The following ARMH3 variants were observed in gnomAD, a reference collection of about 807,000 sequenced individuals.
The protein encoded by ARMH3 is armadillo like helical domain containing 3.
Under a neutral mutation model 99.1 loss-of-function variants are expected in ARMH3, and 60 were observed. The ratio of observed to expected loss-of-function variants is 0.61; its 90% confidence interval spans 0.49 to 0.75. The LOEUF (loss-of-function observed/expected upper bound fraction) is 0.75, where lower values mean the gene tolerates loss of function less well. Among genes scored for constraint, ARMH3 ranks in the 30% least tolerant of loss-of-function variants. The pLI, the probability that ARMH3 is intolerant of heterozygous loss-of-function variation, is 0.00. For synonymous variants in ARMH3, 285 were observed against 292.8 expected (o/e 0.97, Z 0.27); for missense variants, 679 against 843.1 (o/e 0.81, Z 2.41).
At chr10:102,000,140 C>A (rs1181664482) in intron 15 of ARMH3, among the ~76,000 whole-genome samples, 1 of 151,976 alleles carries the variant, frequency 6.6e-6, no homozygotes. Context: ...CAACAACACA[C>A]AGAAAGAAAT....
In ARMH3 at chr10:102,011,710, A is replaced by C; in HGVS notation, c.831+13T>G. 1.3e-6 allele frequency: 2 copies of C among 1,595,598 alleles called. No individual in the cohort carries two copies. Among genetic ancestry groups the C allele is most frequent in the Non-Finnish European group, 1.7e-6 (2 of 1,172,126 alleles). ...CTGTTTTTTTCAGGAGAAAAAAAAA[A>C]AGCAGGACTTACCATATTTGTTAAA... On this transcript the variant is annotated intron_variant, in intron 11 of 25. Transcript: ENST00000370033.
chr10:101,897,197 G>A (rs897518995), intron 23 of ARMH3, among the ~76,000 whole-genome samples: 3 of 152,130 alleles, frequency 2.0e-5, no homozygotes, highest in African/African-American at 7.2e-5. Context: ...CCCACAGACA[G>A]AACTTAGTGG....
At chr10:101,929,611 A>G (rs1209867210) in intron 23 of ARMH3, among the ~76,000 whole-genome samples, 2 of 152,262 alleles carry the variant, frequency 1.3e-5, no homozygotes, top group Admixed American at 1.3e-4. Flanking sequence ...GAATTAATTT[A>G]GTATAAATCT....
chr10:101,874,175 T>A (rs1402045590), intron 24 of ARMH3, among the ~76,000 whole-genome samples: 1 of 152,204 alleles, frequency 6.6e-6, no homozygotes, highest in Admixed American at 6.5e-5. Context: ...CAAAGTGGTA[T>A]AAGAGAACAT....
At chr10:102,029,893 G>T (rs552942983) in intron 4 of ARMH3, 148 bp from the exon 5 acceptor site, 228 of 770,778 alleles carry the variant, frequency 3.0e-4, no homozygotes, top group South Asian at 1.9e-3. Context: ...AGTTTTTTTG[G>T]TTTTTTCCGT....
intron 22 of ARMH3, among the ~76,000 whole-genome samples, chr10:101,946,330 A>AT (rs1227570307): frequency 6.6e-6 from 1 of 152,176 alleles, no homozygotes; most frequent in Non-Finnish European, 1.5e-5. Context: ...AACTGAAGCC[A>AT]TAACAAAGAA....
chr10:101,941,114 G>A (rs1284330181), intron 22 of ARMH3, among the ~76,000 whole-genome samples: 2 of 152,198 alleles, frequency 1.3e-5, no homozygotes, highest in Non-Finnish European at 2.9e-5. Context: ...CACACAAGTT[G>A]TAAGTAATGG....
intron 23 of ARMH3, among the ~76,000 whole-genome samples, chr10:101,933,563 C>T (rs1843817752): frequency 6.6e-6 from 1 of 152,204 alleles, no homozygotes. Flanking sequence ...GATTAGGGTA[C>T]AGCAACCATT....
intron 5 of ARMH3, among the ~76,000 whole-genome samples, chr10:102,029,157 G>A (rs1437079280): frequency 6.6e-6 from 1 of 152,230 alleles, no homozygotes; most frequent in African/African-American, 2.4e-5. Flanking sequence ...TTACAGGCAT[G>A]AGCCATGGCG....
chr10:101,896,914 A>G (rs2067851973), intron 23 of ARMH3, among the ~76,000 whole-genome samples: 1 of 152,188 alleles, frequency 6.6e-6, no homozygotes, highest in African/African-American at 2.4e-5. Flanking sequence ...AGGTGAGAAG[A>G]GTCCAACTCA....
At chr10:102,008,218 A>G (rs185830033) in intron 13 of ARMH3, among the ~76,000 whole-genome samples, 6 of 152,362 alleles carry the variant, frequency 3.9e-5, no homozygotes, top group African/African-American at 1.4e-4. Context: ...AGCAGATCTC[A>G]AACCAGCATG....
At chr10:101,997,724 A>G (rs947966884) in intron 15 of ARMH3, among the ~76,000 whole-genome samples, 32 of 152,136 alleles carry the variant, frequency 2.1e-4, no homozygotes, top group Admixed American at 1.2e-3. Flanking sequence ...TTTTATTATT[A>G]TACTTTATAA....
chr10:101,975,049 T>TAAAAAAAAAA (rs11399489), intron 20 of ARMH3, among the ~76,000 whole-genome samples, 163 bp downstream of exon 20: 137 of 29,440 alleles, frequency 4.7e-3, no homozygotes, highest in Non-Finnish European at 5.2e-3. Flanking sequence ...AGCTAAAACG[T>TAAAAAAAAAA]AAAAAAAAAA....
chr10:102,049,403 A>G (rs558757533), intron 1 of ARMH3, among the ~76,000 whole-genome samples: 218 of 152,140 alleles, frequency 1.4e-3, no homozygotes, highest in African/African-American at 5.1e-3. Flanking sequence ...TTAGCCACGC[A>G]TCGTGGCAAG....
intron 24 of ARMH3, among the ~76,000 whole-genome samples, chr10:101,876,181 G>A (rs7901077): frequency 0.2 from 30,134 of 147,098 alleles, 3,314 homozygotes; most frequent in East Asian, 0.48. Flanking sequence ...CCCGGAAGGC[G>A]GAGATTGCAG....
intron 1 of ARMH3, among the ~76,000 whole-genome samples, chr10:102,047,409 C>T (rs74926892): frequency 2.0e-5 from 3 of 152,016 alleles, no homozygotes; most frequent in Admixed American, 2.0e-4. Flanking sequence ...GAGCTGTGAT[C>T]CCCTATTTCA....
At chr10:102,033,551 T>G in intron 2 of ARMH3, 1 of 489,244 alleles carries the variant, frequency 2.0e-6, no homozygotes. Context: ...CCTGAGTAGC[T>G]GGGACTACAG....
At position 102,006,558 on chromosome 10, in the gene ARMH3, T is replaced by C. The variant is rs757394738; in HGVS notation, c.1030A>G (p.Thr344Ala). The C allele has an allele frequency of 6.2e-7, 1 of 1,613,846 alleles. No homozygotes were observed. Among genetic ancestry groups the C allele is most frequent in the Admixed American group, 1.7e-5 (1 of 60,004 alleles). Reference protein sequence around the residue: ...PTTPVTPLGTTPPSSDVISSV... With the variant: ...PTTPVTPLGTAPPSSDVISSV... ...GGCTCACCATCAGAGGAAGGCGGTG[T>C]GGTCCCAAGTGGTGTGACTGGGGTT... The change falls in exon 14 of 26, where the codon ACA becomes GCA. Residue 344 changes from threonine to alanine, a missense_variant. By Grantham distance (58) the Thr-to-Ala change is moderately conservative. Coordinates refer to ENST00000370033, the MANE Select transcript of ARMH3 (RefSeq NM_024541.3).
In ARMH3 at chr10:102,001,525, T is replaced by C. The variant is rs571808900; in HGVS notation, c.1150+446A>G. Among the ~76,000 whole-genome samples, 10 of 152,334 alleles carry C rather than the reference T, an allele frequency of 6.6e-5. 2 individuals are homozygous for C. Among genetic ancestry groups the C allele is most frequent in the African/African-American group, 2.4e-4 (10 of 41,580 alleles). ...TGGGTATTGACACTTCTATTTTAAG[T>C]GTTCAAGAACAGAGTCCCTCTGAAT... is the stretch of plus-strand genomic sequence containing the variant. On this transcript the variant is annotated intron_variant, in intron 15 of 25. Coordinates refer to ENST00000370033, the MANE Select transcript of ARMH3 (RefSeq NM_024541.3).
Sources: gnomAD v4.1 joint callset for allele counts (sites outside exome capture counted in the v4.1 genomes callset) on GRCh38, gnomAD v4.1.1 for gene constraint, MANE v1.5 for transcripts, NCBI Gene and HGNC (gene_info 2026-07-23, HGNC 2026-07-21) for gene names.